Variants in NRDC observed in about 807,000 individuals in gnomAD.
The protein encoded by NRDC is nardilysin.
In NRDC, 54 loss-of-function variants were observed where a neutral mutation model predicts 147.1. The observed-to-expected ratio is 0.37, with a 90% confidence interval of 0.29 to 0.46. The LOEUF (loss-of-function observed/expected upper bound fraction) is 0.46, where lower values mean the gene tolerates loss of function less well. Ranked by LOEUF, NRDC falls within the 20% of genes least tolerant of loss-of-function variation. The pLI is 1.00. For missense variants in NRDC, 1,082 were observed against 1,370.6 expected (o/e 0.79, Z 3.33); for synonymous variants, 440 against 482.1 (o/e 0.91, Z 1.14).
Position 51,791,008 on chromosome 1 carries a change from C to T in NRDC, c.2961-18G>A. ...CTTCAGAACTGAAACAAAACATCTT[C>T]AATCAGAACTAAAACAAAACATCTT... On this transcript the variant is annotated intron_variant, in intron 27 of 30. Transcript: ENST00000352171. 6.4e-7 allele frequency: 1 copy of T among 1,553,276 alleles called. No individual in the cohort carries two copies. The highest frequency in any genetic ancestry group is 8.9e-7 in the Non-Finnish European group (1 of 1,126,748).
At chr1:51,859,267 ATG>A (rs1491174792) in intron 1 of NRDC, among the ~76,000 whole-genome samples, 4 of 152,188 alleles carry the variant, frequency 2.6e-5, no homozygotes, top group African/African-American at 9.7e-5. Context: ...CTGTGTCTAT[ATG>A]TGTTACTTGT....
intron 1 of NRDC, among the ~76,000 whole-genome samples, chr1:51,871,217 T>A (rs1683070459): frequency 6.6e-6 from 1 of 152,152 alleles, no homozygotes; most frequent in Non-Finnish European, 1.5e-5. Flanking sequence ...CTTTGGAGGC[T>A]GAGGCACGAG....
At chr1:51,805,485 TC>T in intron 19 of NRDC, 24 bp downstream of exon 19, 2 of 1,534,718 alleles carry the variant, frequency 1.3e-6, no homozygotes, top group South Asian at 2.5e-5. Context: ...AAATGTATTT[TC>T]CAGAAAAAAA....
At chr1:51,865,596 C>T (rs1421254516) in intron 1 of NRDC, among the ~76,000 whole-genome samples, 2 of 151,974 alleles carry the variant, frequency 1.3e-5, no homozygotes, top group Non-Finnish European at 2.9e-5. Context: ...TGCCACTGCG[C>T]CCAGCCTAAA....
At chr1:51,850,262 A>G (rs190791080) in intron 1 of NRDC, among the ~76,000 whole-genome samples, 5 of 152,318 alleles carry the variant, frequency 3.3e-5, no homozygotes, top group African/African-American at 1.2e-4. Flanking sequence ...AGGAACACCA[A>G]CAGATCAATG....
intron 22 of NRDC, chr1:51,795,062 C>T: frequency 6.8e-7 from 1 of 1,465,416 alleles, no homozygotes; most frequent in South Asian, 1.3e-5. Context: ...CTTAACTGTT[C>T]TGGCTCTCTT....
chr1:51,860,782 C>G (rs1394825517), intron 1 of NRDC, among the ~76,000 whole-genome samples: 1 of 152,178 alleles, frequency 6.6e-6, no homozygotes, highest in African/African-American at 2.4e-5. Flanking sequence ...TTACCACCAC[C>G]TTTATAATAT....
At chr1:51,839,935 A>G (rs1423587996) in intron 2 of NRDC, 1 of 225,228 alleles carries the variant, frequency 4.4e-6, no homozygotes, top group Non-Finnish European at 8.6e-6. Context: ...AATGTATACA[A>G]ATACACATAA....
intron 3 of NRDC, among the ~76,000 whole-genome samples, 177 bp downstream of exon 3, chr1:51,835,954 A>C (rs1680950869): frequency 6.6e-6 from 1 of 152,222 alleles, no homozygotes; most frequent in African/African-American, 2.4e-5. Context: ...TCTCAATATA[A>C]GTACACTCAG....
chr1:51,814,310 T>A (rs192182985), intron 13 of NRDC: 2 of 570,210 alleles, frequency 3.5e-6, no homozygotes, highest in East Asian at 5.7e-5. Flanking sequence ...GTTTAAAAAA[T>A]TCTCAATAGA....
At chr1:51,877,048 C>T (rs1209205196) in intron 1 of NRDC, among the ~76,000 whole-genome samples, 1 of 152,054 alleles carries the variant, frequency 6.6e-6, no homozygotes, top group Non-Finnish European at 1.5e-5. Context: ...ATTAGCCGGG[C>T]GTGGTGGCGA....
chr1:51,853,652 G>A (rs530542591), intron 1 of NRDC, among the ~76,000 whole-genome samples: 1 of 152,316 alleles, frequency 6.6e-6, no homozygotes, highest in African/African-American at 2.4e-5. Context: ...TAGCAGAAAA[G>A]AATTAATTCA....
intron 29 of NRDC, 100 bp downstream of exon 29, chr1:51,790,433 G>T: frequency 1.3e-6 from 1 of 791,710 alleles, no homozygotes; most frequent in Non-Finnish European, 2.2e-6. Context: ...AGTGTTTCGA[G>T]TTTCTCTTCC....
chr1:51,798,433 A>C (rs1381222520), intron 21 of NRDC, 22 bp from the exon 22 acceptor site: 1 of 1,567,430 alleles, frequency 6.4e-7, no homozygotes, highest in African/African-American at 1.4e-5. Context: ...GCAGAAAAAA[A>C]ACACTCAAAG....
chr1:51,825,640 T>G (rs774777106), intron 5 of NRDC, among the ~76,000 whole-genome samples: 29 of 152,362 alleles, frequency 1.9e-4, no homozygotes, highest in South Asian at 1.0e-3. Context: ...TAGTTAATAA[T>G]CTGAAAGTTT....
At chr1:51,789,886 T>C in intron 29 of NRDC, 2 of 550,768 alleles carry the variant, frequency 3.6e-6, no homozygotes, top group Non-Finnish European at 6.5e-6. Flanking sequence ...TAGCAGATGC[T>C]ATAATTACAG....
intron 1 of NRDC, among the ~76,000 whole-genome samples, chr1:51,858,805 A>C (rs1304116257): frequency 1.3e-5 from 2 of 152,206 alleles, no homozygotes; most frequent in African/African-American, 4.8e-5. Context: ...CCTGGCATTT[A>C]ACTGGCTATC....
chr1:51,859,622 G>A (rs1036718571), intron 1 of NRDC, among the ~76,000 whole-genome samples: 6 of 152,222 alleles, frequency 3.9e-5, no homozygotes, highest in African/African-American at 1.4e-4. Flanking sequence ...GACTCAGACA[G>A]GACCTGCCCT....
At chr1:51,845,886 G>A (rs567780621) in intron 1 of NRDC, among the ~76,000 whole-genome samples, 22 of 152,084 alleles carry the variant, frequency 1.4e-4, no homozygotes, top group African/African-American at 5.1e-4. Flanking sequence ...AACGCCTGGA[G>A]GGGACCTGAT....
Sources: allele counts gnomAD v4.1 joint callset (sites outside exome capture counted in the v4.1 genomes callset), GRCh38; gene constraint gnomAD v4.1.1; transcripts MANE v1.5; gene names NCBI Gene and HGNC (gene_info 2026-07-23, HGNC 2026-07-21).